Variants in LAMB1 observed in about 807,000 individuals in gnomAD.
LAMB1 encodes laminin subunit beta-1.
LAMB1 carries 121 observed loss-of-function variants against 222.3 expected under a neutral mutation model. The observed-to-expected ratio is 0.54, with a 90% CI of 0.47 to 0.63. The LOEUF (loss-of-function observed/expected upper bound fraction) is 0.63, where lower values mean the gene tolerates loss of function less well. Among genes scored for constraint, LAMB1 ranks in the 30% least tolerant of loss-of-function variants. The pLI is 0.00. For synonymous variants in LAMB1, 794 were observed against 807.2 expected (o/e 0.98, Z 0.28); for missense variants, 2,172 against 2,240.8 (o/e 0.97, Z 0.62).
intron 24 of LAMB1, among the ~76,000 whole-genome samples, chr7:107,948,694 CTT>C (rs972475943): frequency 6.6e-6 from 1 of 152,046 alleles, no homozygotes; most frequent in Non-Finnish European, 1.5e-5. Context: ...TGAGAAGGGA[CTT>C]TGTTTTCTTC....
intron 27 of LAMB1, among the ~76,000 whole-genome samples, chr7:107,932,922 A>C: frequency 6.6e-6 from 1 of 152,240 alleles, no homozygotes; most frequent in East Asian, 1.9e-4. Flanking sequence ...GAAAGTAGAC[A>C]AAGGAGAGAC....
intron 24 of LAMB1, among the ~76,000 whole-genome samples, chr7:107,946,227 T>C (rs1335965820): frequency 6.6e-6 from 1 of 152,280 alleles, no homozygotes; most frequent in Non-Finnish European, 1.5e-5. Context: ...TAGGCATTTC[T>C]ATTTACTAAA....
At position 107,964,836 on chromosome 7, in the gene LAMB1, AG is replaced by A. The variant is rs199783952; in HGVS notation, c.1563-150del. 5,157 of 930,944 alleles carry A rather than the reference AG, an allele frequency of 5.5e-3. 109 individuals are homozygous for A. Among genetic ancestry groups the A allele is most frequent in the East Asian group, 0.055 (2,021 of 36,588 alleles). 57.7% of individuals were successfully genotyped at this position (930,944 alleles called of 1,614,324 possible). A position where few individuals can be genotyped will look rare whatever the true frequency, so the allele number is the denominator to read the frequency against. On this transcript the variant is annotated intron_variant, in intron 13 of 33. Transcript: ENST00000222399. ...TTCAGAAAATACATATGTGGAAAAA[AG>A]TAGTGCCTATGGATTAATCCCAAAC...
At chr7:107,961,770 T>C (rs2033510231) in intron 15 of LAMB1, 94 bp from the exon 16 acceptor site, 1 of 1,386,952 alleles carries the variant, frequency 7.2e-7, no homozygotes, top group Non-Finnish European at 9.9e-7. Flanking sequence ...CAAGTTGAAA[T>C]GGAAAACAAA....
chr7:107,933,880 AT>A (rs1476437570), intron 27 of LAMB1, among the ~76,000 whole-genome samples: 10 of 152,172 alleles, frequency 6.6e-5, no homozygotes, highest in African/African-American at 2.4e-4. Flanking sequence ...CCCACCGCCC[AT>A]GCATCTCCCT....
chr7:107,967,534 C>CT (rs2150433847), intron 13 of LAMB1, among the ~76,000 whole-genome samples: 1 of 152,248 alleles, frequency 6.6e-6, no homozygotes, highest in South Asian at 2.1e-4. Context: ...ATAACCCATC[C>CT]TCTGAAAACG....
rs2032723799 is a variant in LAMB1, at chr7:107,932,088, A to G, written c.4392+86T>C. The G allele has an allele frequency of 3.4e-6, 4 of 1,188,190 alleles. No homozygotes were observed. In the Admixed American group the frequency reaches 6.8e-5, roughly 20 times the overall value. 73.6% of individuals were successfully genotyped at this position (1,188,190 alleles called of 1,614,324 possible). A position where few individuals can be genotyped will look rare whatever the true frequency, so the allele number is the denominator to read the frequency against. On this transcript the variant is annotated intron_variant, in intron 28 of 33. Coordinates refer to ENST00000222399, the MANE Select transcript of LAMB1 (RefSeq NM_002291.3). ...GCCCTTTTCATTTCAGTTAGCATTT[A>G]GAATTGATTTCTCCCTTTCAGATCC...
rs1467709477 is a variant in LAMB1, at chr7:107,975,249, G to A, written c.1354C>T (p.Pro452Ser). The change falls in exon 11 of 34, where the codon CCA (proline) becomes TCA (serine). Residue 452 changes from proline (P) to serine (S), a missense_variant. Pro to Ser is a moderately conservative substitution (Grantham distance 74). Transcript: ENST00000222399. ...ACAGACCTACATTTACAACCAAATG[G>A]ATCTTCACTGCTTAAATCATAGAAG... ...EGFYDLSSED[P>S]FGCKSCACNP... 1 of 1,612,952 alleles carries A rather than the reference G, an allele frequency of 6.2e-7. No homozygotes were observed. The highest frequency in any genetic ancestry group is 1.7e-5 in the Admixed American group (1 of 59,894).
intron 13 of LAMB1, among the ~76,000 whole-genome samples, chr7:107,966,212 AT>A (rs1453719664): frequency 2.0e-5 from 3 of 151,938 alleles, no homozygotes; most frequent in Non-Finnish European, 4.4e-5. Flanking sequence ...TTTTATTATT[AT>A]TATTTTTTTA....
Position 107,986,062 on chromosome 7 carries a change from A to C in LAMB1, c.636T>G (p.Pro212=). 6.2e-7 allele frequency: 1 copy of C among 1,612,570 alleles called. No individual in the cohort carries two copies. Among genetic ancestry groups the C allele is most frequent in the Non-Finnish European group, 8.5e-7 (1 of 1,178,528 alleles). Residue 212 remains proline, a synonymous_variant, in exon 7 of 34, where the codon CCT becomes CCG. Transcript: ENST00000222399. ...TATAAGGATCTTCTATTTTGAAAGCAGGATCTAAAGCACGAAATATCACCT... is the reference window on the plus strand; with the variant it reads ...TATAAGGATCTTCTATTTTGAAAGCCGGATCTAAAGCACGAAATATCACCT... ...EGEVIFRALD[P]AFKIEDPYSP... is the part of the protein sequence containing the mutation.
At chr7:107,934,135 CTTTTA>C (rs1337930115) in intron 27 of LAMB1, among the ~76,000 whole-genome samples, 1 of 152,024 alleles carries the variant, frequency 6.6e-6, no homozygotes, top group Admixed American at 6.5e-5. Flanking sequence ...TTTTCTTCAT[CTTTTA>C]TTTTTCCATT....
At chr7:107,964,931 C>T (rs540706061) in intron 13 of LAMB1, among the ~76,000 whole-genome samples, 3 of 152,316 alleles carry the variant, frequency 2.0e-5, no homozygotes, top group East Asian at 1.9e-4. Context: ...ACTAACACGC[C>T]GTCCGCATCA....
chr7:107,980,577 A>G (rs1158815406), intron 8 of LAMB1, 32 bp downstream of exon 8: 1 of 1,549,110 alleles, frequency 6.5e-7, no homozygotes, highest in Non-Finnish European at 8.9e-7. Context: ...CCAGCCACAT[A>G]AAGGAGAAAG....
At chr7:107,960,246 T>C (rs887770532) in intron 18 of LAMB1, among the ~76,000 whole-genome samples, 199 bp downstream of exon 18, 1 of 152,244 alleles carries the variant, frequency 6.6e-6, no homozygotes, top group African/African-American at 2.4e-5. Flanking sequence ...TGCATATTTC[T>C]TGAATATCAA....
chr7:107,965,596 T>C (rs2033617932), intron 13 of LAMB1, among the ~76,000 whole-genome samples: 1 of 152,008 alleles, frequency 6.6e-6, no homozygotes, highest in Non-Finnish European at 1.5e-5. Flanking sequence ...TATGTCCCTT[T>C]TATTAGTATC....
intron 22 of LAMB1, among the ~76,000 whole-genome samples, chr7:107,953,168 C>T (rs796945678): frequency 2.0e-5 from 3 of 152,112 alleles, no homozygotes; most frequent in South Asian, 4.1e-4. Context: ...ACCAACCTGA[C>T]CAACATGGTG....
chr7:107,993,567 A>C (rs2034226582), intron 5 of LAMB1, among the ~76,000 whole-genome samples: 1 of 152,202 alleles, frequency 6.6e-6, no homozygotes, highest in African/African-American at 2.4e-5. Flanking sequence ...CATGTGCCTA[A>C]AGGATTTTGG....
Position 107,932,251 on chromosome 7 carries a change from T to C in LAMB1, c.4315A>G (p.Asn1439Asp). The C allele has an allele frequency of 6.2e-7, 1 of 1,614,246 alleles. No homozygotes were observed. The change falls in exon 28 of 34, where the codon AAC becomes GAC. Residue 1439 changes from asparagine to aspartate, a missense_variant. Coordinates refer to ENST00000222399, the MANE Select transcript of LAMB1 (RefSeq NM_002291.3). ...AAGTCCATGGCTTTCTGCCAGGCGT[T>C]GTGTGCAACAGTAACCAGACCACCA... is the stretch of plus-strand genomic sequence containing the variant. ...GCGGLVTVAH[N>D]AWQKAMDLDQ...
chr7:107,929,212 A>G lies in LAMB1; in HGVS notation c.4746-7T>C, dbSNP rs1453319550. The stretch of plus-strand genomic sequence containing the variant: ...AACATCTGTTGCACTTTTGCTGAGT[A>G]AAAAATAATGAGACAGTATATTGTT... On this transcript the variant is annotated splice_polypyrimidine_tract_variant and splice_region_variant and intron_variant, in intron 30 of 33. Coordinates refer to ENST00000222399, the MANE Select transcript of LAMB1 (RefSeq NM_002291.3). 6.2e-7 allele frequency: 1 copy of G among 1,613,830 alleles called. No homozygotes were observed. The highest frequency in any genetic ancestry group is 1.1e-5 in the South Asian group (1 of 91,080).
Sources: allele counts gnomAD v4.1 joint callset (sites outside exome capture counted in the v4.1 genomes callset), GRCh38; gene constraint gnomAD v4.1.1; transcripts MANE v1.5; gene names NCBI Gene and HGNC (gene_info 2026-07-23, HGNC 2026-07-21).